Variants in LRIG3 observed in about 807,000 individuals in gnomAD.
LRIG3 encodes leucine-rich repeats and immunoglobulin-like domains protein 3.
Under a neutral mutation model 114.5 loss-of-function variants are expected in LRIG3, and 76 were observed. That is an observed-to-expected ratio of 0.66 (90% CI 0.55 to 0.80). LRIG3 has a LOEUF of 0.80. Among genes scored for constraint, LRIG3 ranks in the 30% least tolerant of loss-of-function variants. The probability of loss-of-function intolerance (pLI) is 0.00; values close to 1 mark genes in which losing one functional copy is unlikely to be tolerated. For synonymous variants in LRIG3, 512 were observed against 519.8 expected, an observed-to-expected ratio of 0.98 and a Z score of 0.20; for missense variants, 1,239 against 1,382.8, an observed-to-expected ratio of 0.90 and a Z score of 1.65.
At position 58,878,941 on chromosome 12, in the gene LRIG3, G is replaced by T. The variant is rs1177441353; in HGVS notation, c.1966C>A (p.Pro656Thr). 6.2e-7 allele frequency: 1 copy of T among 1,614,170 alleles called. No homozygotes were observed. The highest frequency in any genetic ancestry group is 8.5e-7 in the Non-Finnish European group (1 of 1,180,042). The change falls in exon 14 of 19, where the codon CCC becomes ACC. Residue 656 changes from proline (P) to threonine (T), a missense_variant. Pro to Thr is a conservative substitution (Grantham distance 38). Transcript: ENST00000320743. ...ACGATAAAGAACACGTCATCCTCGG[G>T]CATCACATGCATGCGTCTCTCCCGT... The part of the protein sequence containing the change: ...AARERRMHVM[P>T]EDDVFFIVDV...
intron 3 of LRIG3, among the ~76,000 whole-genome samples, chr12:58,910,158 G>C (rs1248839024): frequency 6.6e-6 from 1 of 152,170 alleles, no homozygotes; most frequent in Non-Finnish European, 1.5e-5. Flanking sequence ...AAGAAATAAA[G>C]AGAAAAGGCT....
intron 10 of LRIG3, among the ~76,000 whole-genome samples, chr12:58,884,352 G>C (rs971045752): frequency 1.6e-4 from 24 of 152,160 alleles, no homozygotes; most frequent in South Asian, 6.2e-4. Context: ...TTCTTTACAG[G>C]GGTCACAGTA....
At chr12:58,914,211 A>G (rs1479667847) in intron 2 of LRIG3, 54 bp downstream of exon 2, 7 of 1,550,020 alleles carry the variant, frequency 4.5e-6, no homozygotes, top group Middle Eastern at 3.4e-4. Flanking sequence ...GTTAAATAGT[A>G]TAAGGGGTAA....
chr12:58,901,974 G>T (rs898187905), intron 3 of LRIG3, among the ~76,000 whole-genome samples: 1 of 152,078 alleles, frequency 6.6e-6, no homozygotes, highest in Non-Finnish European at 1.5e-5. Flanking sequence ...ATGCAACAAC[G>T]CACTAAACTA....
chr12:58,876,118 T>C (rs1465196956), intron 16 of LRIG3, among the ~76,000 whole-genome samples: 2 of 152,230 alleles, frequency 1.3e-5, no homozygotes, highest in African/African-American at 4.8e-5. Context: ...CATTAGACTT[T>C]TAAGCCCATT....
intron 3 of LRIG3, among the ~76,000 whole-genome samples, chr12:58,900,791 C>T (rs989564579): frequency 3.9e-5 from 6 of 152,132 alleles, no homozygotes; most frequent in African/African-American, 1.4e-4. Context: ...ACCAACGGAC[C>T]AGAATGCAGA....
Position 58,872,497 on chromosome 12 carries a change from C to T in LRIG3, c.*75G>A, listed in dbSNP as rs1870768028. 2 of 1,418,580 alleles carry T rather than the reference C, an allele frequency of 1.4e-6. No homozygotes were observed. Among genetic ancestry groups the T allele is most frequent in the Admixed American group, 4.9e-5 (2 of 40,576 alleles). 87.9% of individuals were successfully genotyped at this position (1,418,580 alleles called of 1,614,324 possible). A position where few individuals can be genotyped will look rare whatever the true frequency, so the allele number is the denominator to read the frequency against. Reference sequence around the variant, plus strand: ...AAAATTCATAACTCCATTTAAAAAACATAAGATTCTCTCTCTTTTAAATAA... The same window carrying T: ...AAAATTCATAACTCCATTTAAAAAATATAAGATTCTCTCTCTTTTAAATAA... On this transcript the variant is annotated 3_prime_UTR_variant, in exon 19 of 19. Transcript: ENST00000320743.
chr12:58,919,287 G>T, intron 1 of LRIG3: 1 of 1,095,324 alleles, frequency 9.1e-7, no homozygotes, highest in Non-Finnish European at 1.2e-6. Flanking sequence ...TTGCATAAGA[G>T]CTCCCTGCGC....
chr12:58,886,550 T>C (rs1871282169), intron 9 of LRIG3, among the ~76,000 whole-genome samples: 1 of 152,114 alleles, frequency 6.6e-6, no homozygotes, highest in South Asian at 2.1e-4. Context: ...GCCCTCAACA[T>C]AGATGAAAAT....
At chr12:58,877,360 C>G in intron 15 of LRIG3, 40 bp downstream of exon 15, 1 of 1,590,572 alleles carries the variant, frequency 6.3e-7, no homozygotes, top group Non-Finnish European at 8.6e-7. Flanking sequence ...CACAAATACA[C>G]ATGACTCCGG....
chr12:58,906,923 T>TTA (rs1872089203), intron 3 of LRIG3, among the ~76,000 whole-genome samples: 1 of 151,884 alleles, frequency 6.6e-6, no homozygotes, highest in Non-Finnish European at 1.5e-5. Context: ...GATTCTTTGC[T>TTA]TAACTGTAGT....
rs116332971 is a variant in LRIG3, at chr12:58,890,486, C to T, written c.515+179G>A. Among the ~76,000 whole-genome samples, 417 of 152,076 alleles carry T rather than the reference C, an allele frequency of 2.7e-3. 1 individual carries two copies. Among genetic ancestry groups the T allele is most frequent in the African/African-American group, 9.7e-3 (402 of 41,480 alleles). ...TAAAAAATATGTAATTTTTTGTAAT[C>T]TAAAAGTGTAAGAATAAACTGAAGA... On this transcript the variant is annotated intron_variant, in intron 4 of 18. Coordinates refer to ENST00000320743, the MANE Select transcript of LRIG3 (RefSeq NM_153377.5).
At chr12:58,885,588 G>A (rs988183090) in intron 10 of LRIG3, among the ~76,000 whole-genome samples, 4 of 151,732 alleles carry the variant, frequency 2.6e-5, no homozygotes, top group African/African-American at 9.7e-5. Context: ...AACCCATTAA[G>A]GAGATATAGC....
In LRIG3 at chr12:58,920,386, C is replaced by A. The variant is rs1020579478; in HGVS notation, c.-151G>T. ...TGCCCGGTCAATTCCTTCTTTTACT[C>A]CCGGCGGCGAAGCCCTTTCATGCCC... On this transcript the variant is annotated 5_prime_UTR_variant, in exon 1 of 19. The change creates a premature stop within an existing upstream ORF in the 5' untranslated region. Transcript: ENST00000320743. 16 of 518,888 alleles carry A rather than the reference C, an allele frequency of 3.1e-5. No homozygotes were observed. Among genetic ancestry groups the A allele is most frequent in the Non-Finnish European group, 4.0e-5 (13 of 327,426 alleles). The allele number at this position is 518,888 out of a possible 1,614,324, so 32.1% of individuals were successfully genotyped here.
At chr12:58,890,376 T>C (rs1379977825) in intron 4 of LRIG3, among the ~76,000 whole-genome samples, 1 of 152,228 alleles carries the variant, frequency 6.6e-6, no homozygotes, top group African/African-American at 2.4e-5. Context: ...TTTATGACAT[T>C]CATTTATTAA....
chr12:58,917,178 C>G (rs940103212), intron 1 of LRIG3, among the ~76,000 whole-genome samples: 2 of 152,016 alleles, frequency 1.3e-5, no homozygotes, highest in African/African-American at 4.8e-5. Flanking sequence ...AACAGGTCAA[C>G]ACTAAAGAAG....
intron 8 of LRIG3, among the ~76,000 whole-genome samples, chr12:58,887,438 T>G (rs1003395391): frequency 6.6e-6 from 1 of 152,216 alleles, no homozygotes; most frequent in Non-Finnish European, 1.5e-5. Flanking sequence ...GTATCTTCCT[T>G]GCCCTTTGTA....
At position 58,879,047 on chromosome 12, in the gene LRIG3, T is replaced by C. The variant is rs780365456; in HGVS notation, c.1860A>G (p.Ala620=). The C allele has an allele frequency of 6.2e-7, 1 of 1,614,108 alleles. No individual in the cohort carries two copies. Among genetic ancestry groups the C allele is most frequent in the South Asian group, 1.1e-5 (1 of 91,064 alleles). ...GCCCCACAGCAGCACACTCCAAGCG[T>C]GCCATGGCCCCAGCTCGGATGGTGA... is the stretch of plus-strand genomic sequence containing the variant. ...MDLTIRAGAM[A]RLECAAVGHP... The change falls in exon 14 of 19, where the codon GCA becomes GCG. Residue 620 remains alanine, a synonymous_variant. Coordinates refer to ENST00000320743, the MANE Select transcript of LRIG3 (RefSeq NM_153377.5).
chr12:58,874,444 T>C lies in LRIG3; in HGVS notation c.2825A>G (p.Glu942Gly). The C allele has an allele frequency of 1.2e-6, 2 of 1,614,156 alleles. No individual in the cohort carries two copies. The highest frequency in any genetic ancestry group is 1.7e-6 in the Non-Finnish European group (2 of 1,180,032). ...KGNVYGSDPF[E>G]TYHTGCSPDP... Reference sequence around the variant, plus strand: ...AAACCACCTACCTGTATGATATGTTTCAAAAGGATCTGAGCCATACACATT... The same window carrying C: ...AAACCACCTACCTGTATGATATGTTCCAAAAGGATCTGAGCCATACACATT... Residue 942 changes from glutamate (E) to glycine (G), a missense_variant, in exon 17 of 19, where the codon GAA (glutamate) becomes GGA (glycine). By Grantham distance (98) the Glu-to-Gly change is moderately conservative. Transcript: ENST00000320743.
Sources: allele counts gnomAD v4.1 joint callset (sites outside exome capture counted in the v4.1 genomes callset), GRCh38; gene constraint gnomAD v4.1.1; transcripts MANE v1.5; gene names NCBI Gene and HGNC (gene_info 2026-07-23, HGNC 2026-07-21).